The following ANO1 variants were observed in gnomAD, a reference collection of about 807,000 sequenced individuals.
ANO1 encodes anoctamin-1.
ANO1 carries 59 observed loss-of-function variants against 124.0 expected under a neutral mutation model. The ratio of observed to expected loss-of-function variants is 0.48; its 90% CI spans 0.39 to 0.59. The LOEUF (loss-of-function observed/expected upper bound fraction) is 0.59, where lower values mean the gene tolerates loss of function less well. Ranked by LOEUF, ANO1 falls within the 20% of genes least tolerant of loss-of-function variation. The pLI, the probability that ANO1 is intolerant of heterozygous loss-of-function variation, is 0.00. For synonymous variants in ANO1, 529 were observed against 532.0 expected (o/e 0.99, Z 0.08); for missense variants, 1,059 against 1,328.0 (o/e 0.80, Z 3.15).
chr11:70,011,009 A>G (rs1301600461), intron 1 of ANO1, among the ~76,000 whole-genome samples: 2 of 152,220 alleles, frequency 1.3e-5, no homozygotes, highest in Non-Finnish European at 2.9e-5. Flanking sequence ...TGCTCTGTGA[A>G]TGCAGATAGA....
At chr11:70,016,553 G>C (rs551223163) in intron 1 of ANO1, 1 of 152,282 alleles carries the variant, frequency 6.6e-6, no homozygotes, top group Non-Finnish European at 1.5e-5. Flanking sequence ...GCTGCGGATG[G>C]GGAATTCCAC....
chr11:70,089,944 G>T (rs2044554377), intron 2 of ANO1, among the ~76,000 whole-genome samples: 1 of 152,244 alleles, frequency 6.6e-6, no homozygotes, highest in South Asian at 2.1e-4. Flanking sequence ...GGCCGAGAGA[G>T]CTGGATTTTG....
chr11:70,055,131 T>C (rs1555006674), intron 1 of ANO1, among the ~76,000 whole-genome samples: 2 of 152,194 alleles, frequency 1.3e-5, no homozygotes, highest in Non-Finnish European at 2.9e-5. Flanking sequence ...TTCAGTCCTT[T>C]GAACTGTGTT....
intron 3 of ANO1, among the ~76,000 whole-genome samples, 153 bp downstream of exon 3, chr11:70,103,317 C>T (rs575366162): frequency 3.3e-5 from 5 of 151,956 alleles, no homozygotes; most frequent in Admixed American, 6.5e-5. Context: ...CCATGTGGCT[C>T]GATGTGACAA....
chr11:70,029,391 G>A (rs957440455), intron 1 of ANO1, among the ~76,000 whole-genome samples: 9 of 152,192 alleles, frequency 5.9e-5, no homozygotes, highest in African/African-American at 9.6e-5. Flanking sequence ...AAGCCCACTC[G>A]GCTCATTTGC....
intron 9 of ANO1, among the ~76,000 whole-genome samples, chr11:70,124,838 G>A (rs2046430164): frequency 6.6e-6 from 1 of 152,198 alleles, no homozygotes; most frequent in Non-Finnish European, 1.5e-5. Context: ...GCCAGAGCTC[G>A]ACTGGTAGAA....
chr11:70,023,470 C>T (rs2135004984), intron 1 of ANO1, among the ~76,000 whole-genome samples: 2 of 152,292 alleles, frequency 1.3e-5, no homozygotes, highest in South Asian at 2.1e-4. Context: ...CAGAATATAG[C>T]CTTCCCCAAA....
At chr11:69,981,790 T>C (rs1192602523), upstream of ANO1, among the ~76,000 whole-genome samples, 4 of 152,178 alleles carry the variant, frequency 2.6e-5, no homozygotes, top group African/African-American at 9.7e-5. Context: ...ACAGTCCAAA[T>C]GGCTATCCAA....
intron 6 of ANO1, among the ~76,000 whole-genome samples, chr11:70,109,556 G>A (rs114480591): frequency 2.1e-3 from 315 of 152,322 alleles, no homozygotes; most frequent in Middle Eastern, 0.02. Context: ...GAGGTCAGGC[G>A]GAAAGGAAGG....
intron 2 of ANO1, among the ~76,000 whole-genome samples, chr11:70,090,046 G>A (rs1182360703): frequency 1.3e-5 from 2 of 152,014 alleles, no homozygotes; most frequent in Non-Finnish European, 2.9e-5. Flanking sequence ...TTTTGAGGCG[G>A]AATCTCACTC....
At chr11:70,111,995 G>A (rs1397890383) in intron 7 of ANO1, among the ~76,000 whole-genome samples, 1 of 151,848 alleles carries the variant, frequency 6.6e-6, no homozygotes, top group Admixed American at 6.6e-5. Context: ...GGCACGGGTG[G>A]CAGCTGCTCC....
In ANO1 at chr11:70,156,943, G is replaced by A; in HGVS notation, c.1504-4G>A. ...ACAGTGACCGGCATTGTTTTGTGTT[G>A]TAGACTGACAAAGTGAAGCTGACAT... is the stretch of plus-strand genomic sequence containing the variant. On this transcript the variant is annotated splice_region_variant and splice_polypyrimidine_tract_variant and intron_variant, in intron 15 of 25. Coordinates refer to ENST00000355303, the MANE Select transcript of ANO1 (RefSeq NM_018043.7). 1.2e-6 allele frequency: 2 copies of A among 1,613,320 alleles called. No homozygotes were observed. Among genetic ancestry groups the A allele is most frequent in the Non-Finnish European group, 1.7e-6 (2 of 1,179,608 alleles).
chr11:69,996,063 A>G (rs1856266046), intron 1 of ANO1, among the ~76,000 whole-genome samples: 2 of 152,198 alleles, frequency 1.3e-5, no homozygotes, highest in Admixed American at 6.5e-5. Context: ...GTGAGCCGAT[A>G]TTGCATCATT....
At chr11:69,991,135 G>GT (rs1250074315) in intron 1 of ANO1, among the ~76,000 whole-genome samples, 2 of 152,102 alleles carry the variant, frequency 1.3e-5, no homozygotes, top group African/African-American at 4.8e-5. Context: ...GTTAATTTTT[G>GT]TATGTGGAGT....
At chr11:70,158,378 G>A (rs537537763) in intron 16 of ANO1, among the ~76,000 whole-genome samples, 5 of 148,180 alleles carry the variant, frequency 3.4e-5, no homozygotes, top group East Asian at 4.0e-4. Flanking sequence ...ACCTAGCCCC[G>A]AGTCCTGGTA....
intron 16 of ANO1, among the ~76,000 whole-genome samples, chr11:70,159,102 C>T (rs1233680594): frequency 6.6e-6 from 1 of 152,124 alleles, no homozygotes; most frequent in African/African-American, 2.4e-5. Flanking sequence ...GTCTGGTGGC[C>T]CCACGATGCC....
intron 6 of ANO1, among the ~76,000 whole-genome samples, chr11:70,110,372 G>C (rs967954185): frequency 6.6e-6 from 1 of 151,960 alleles, no homozygotes; most frequent in African/African-American, 2.4e-5. Flanking sequence ...ATTTTTAGTA[G>C]AGACGGGGTT....
chr11:70,001,802 GTT>G (rs1856387257), intron 1 of ANO1, among the ~76,000 whole-genome samples: 2 of 151,428 alleles, frequency 1.3e-5, no homozygotes, highest in Non-Finnish European at 1.5e-5. Context: ...TGTGTGTTTT[GTT>G]TTTTGTTTTT....
At chr11:69,994,109 C>G (rs999934744) in intron 1 of ANO1, among the ~76,000 whole-genome samples, 9 of 151,398 alleles carry the variant, frequency 5.9e-5, no homozygotes, top group Admixed American at 2.6e-4. Context: ...GTTAACCCCC[C>G]CCCACAGTCA....
Sources: allele counts gnomAD v4.1 joint callset (sites outside exome capture counted in the v4.1 genomes callset), GRCh38; gene constraint gnomAD v4.1.1; transcripts MANE v1.5; gene names NCBI Gene and HGNC (gene_info 2026-07-23, HGNC 2026-07-21).